Variants in THADA observed in about 807,000 individuals in gnomAD.
The protein encoded by THADA is tRNA (32-2'-O)-methyltransferase regulator THADA.
THADA carries 213 observed loss-of-function variants against 219.8 expected under a neutral mutation model. The ratio of observed to expected loss-of-function variants is 0.97; its 90% CI spans 0.87 to 1.09. THADA has a LOEUF of 1.09. Among genes scored for constraint, THADA ranks in the 50% least tolerant of loss-of-function variants. THADA has a pLI of 0.00. For synonymous variants in THADA, 1,018 were observed against 828.9 expected (o/e 1.23, Z -3.92); for missense variants, 2,956 against 2,311.3 (o/e 1.28, Z -5.72).
chr2:43,487,862 T>C (rs1016718699), intron 25 of THADA, among the ~76,000 whole-genome samples: 5 of 152,180 alleles, frequency 3.3e-5, no homozygotes, highest in African/African-American at 1.2e-4. Flanking sequence ...AAATTTGTGG[T>C]ATTTTGTTAT....
intron 28 of THADA, among the ~76,000 whole-genome samples, chr2:43,418,503 T>C (rs920598340): frequency 1.3e-5 from 2 of 152,174 alleles, no homozygotes; most frequent in Non-Finnish European, 2.9e-5. Flanking sequence ...GAGCAAGATG[T>C]CAGACATTGT....
chr2:43,314,240 T>G (rs1677824958), intron 31 of THADA, among the ~76,000 whole-genome samples: 1 of 152,198 alleles, frequency 6.6e-6, no homozygotes, highest in African/African-American at 2.4e-5. Flanking sequence ...GCTATGTCAT[T>G]TCTTTAGGAT....
chr2:43,269,809 AG>A (rs1486441347), intron 36 of THADA, among the ~76,000 whole-genome samples: 1 of 152,196 alleles, frequency 6.6e-6, no homozygotes, highest in Non-Finnish European at 1.5e-5. Context: ...CCTCCCCTGC[AG>A]CCCCACTGAC....
intron 14 of THADA, among the ~76,000 whole-genome samples, chr2:43,569,119 A>C (rs1699013705): frequency 6.6e-6 from 1 of 152,012 alleles, no homozygotes; most frequent in South Asian, 2.1e-4. Context: ...ACACAGGTGC[A>C]CACCACCACG....
intron 28 of THADA, among the ~76,000 whole-genome samples, chr2:43,416,708 A>C (rs1309733764): frequency 6.6e-6 from 1 of 152,210 alleles, no homozygotes; most frequent in Non-Finnish European, 1.5e-5. Context: ...TAACCTTTGG[A>C]TAATTATGAA....
At chr2:43,499,033 G>C (rs1414227391) in intron 24 of THADA, 78 bp from the exon 25 acceptor site, 1 of 1,387,702 alleles carries the variant, frequency 7.2e-7, no homozygotes, top group East Asian at 2.6e-5. Flanking sequence ...CAATAGTACA[G>C]CTTCAAAACA....
At chr2:43,231,430 A>G (rs1187951964) in intron 37 of THADA, 87 bp from the exon 38 acceptor site, 1 of 1,368,692 alleles carries the variant, frequency 7.3e-7, no homozygotes, top group Non-Finnish European at 9.6e-7. Context: ...TGCCAGATGC[A>G]AGAGGGGTTT....
At chr2:43,349,909 TA>T (rs1668058135) in intron 29 of THADA, among the ~76,000 whole-genome samples, 1 of 152,232 alleles carries the variant, frequency 6.6e-6, no homozygotes, top group Non-Finnish European at 1.5e-5. Flanking sequence ...AAAATTTCTG[TA>T]TCTGCCATTT....
chr2:43,580,631 T>C (rs1700330552), intron 8 of THADA, among the ~76,000 whole-genome samples: 1 of 151,656 alleles, frequency 6.6e-6, no homozygotes, highest in South Asian at 2.1e-4. Flanking sequence ...CTGAGCCACT[T>C]TGGGAGGCCA....
intron 12 of THADA, among the ~76,000 whole-genome samples, chr2:43,572,370 C>T (rs1267727884): frequency 6.6e-6 from 1 of 152,182 alleles, no homozygotes; most frequent in Non-Finnish European, 1.5e-5. Context: ...AAACACTCCA[C>T]CCCTGATAAG....
rs1353672904 is a variant in THADA, at chr2:43,361,596, T to C, written c.4228-17359A>G. ...GTTCTTTTTTGGCAGGTGTTTTGAC[T>C]TGACCACTGGACTTCTGCCTTTGGC... On this transcript the variant is annotated intron_variant, in intron 29 of 37. Transcript: ENST00000405975. Among the ~76,000 whole-genome samples, 4 of 152,246 alleles carry C rather than the reference T, an allele frequency of 2.6e-5. No homozygotes were observed. In the South Asian group the frequency reaches 6.2e-4, roughly 24 times the overall value.
intron 28 of THADA, among the ~76,000 whole-genome samples, chr2:43,399,262 G>A (rs1258015538): frequency 2.6e-5 from 4 of 152,190 alleles, no homozygotes; most frequent in Non-Finnish European, 2.9e-5. Flanking sequence ...GTCAGAAGAC[G>A]GTAGACTCTG....
chr2:43,500,533 C>T (rs1044977887), intron 24 of THADA, among the ~76,000 whole-genome samples: 1 of 152,140 alleles, frequency 6.6e-6, no homozygotes, highest in Non-Finnish European at 1.5e-5. Context: ...AAAATCAATA[C>T]AATTCATGAC....
intron 18 of THADA, 137 bp downstream of exon 18, chr2:43,552,067 G>A (rs779448255): frequency 1.1e-3 from 1,673 of 1,524,426 alleles, no homozygotes; most frequent in Non-Finnish European, 1.4e-3. Flanking sequence ...ACACAGATAC[G>A]TATGTTTTTA....
At chr2:43,251,864 C>A in intron 36 of THADA, among the ~76,000 whole-genome samples, 1 of 152,222 alleles carries the variant, frequency 6.6e-6, no homozygotes, top group East Asian at 1.9e-4. Context: ...AATAGTTCCC[C>A]TCAATTAAAA....
intron 31 of THADA, among the ~76,000 whole-genome samples, chr2:43,293,581 C>T (rs1209304715): frequency 6.6e-6 from 1 of 152,206 alleles, no homozygotes; most frequent in Admixed American, 6.5e-5. Flanking sequence ...AAGCTCCCCT[C>T]TGTAACACCC....
chr2:43,572,528 C>T (rs17031064), intron 12 of THADA, among the ~76,000 whole-genome samples: 4,322 of 152,246 alleles, frequency 0.028, 200 homozygotes, highest in African/African-American at 0.098. Flanking sequence ...GCCTTCCAAG[C>T]GAGTCCTTAT....
At chr2:43,479,762 T>C (rs1183550348) in intron 26 of THADA, among the ~76,000 whole-genome samples, 3 of 152,118 alleles carry the variant, frequency 2.0e-5, no homozygotes, top group African/African-American at 4.8e-5. Flanking sequence ...CCTTGAGCCT[T>C]GCTCCTCTCC....
intron 29 of THADA, among the ~76,000 whole-genome samples, chr2:43,350,503 C>T (rs1459583684): frequency 6.6e-6 from 1 of 152,272 alleles, no homozygotes. Flanking sequence ...TGAACCCCAA[C>T]TAGGCCGTAG....
Sources: gnomAD v4.1 joint callset for allele counts (sites outside exome capture counted in the v4.1 genomes callset) on GRCh38, gnomAD v4.1.1 for gene constraint, MANE v1.5 for transcripts, NCBI Gene and HGNC (gene_info 2026-07-23, HGNC 2026-07-21) for gene names.